Variants in NBEA observed in about 807,000 individuals in gnomAD.
NBEA encodes the protein lysosomal-trafficking regulator 2.
A neutral mutation model predicts 343.4 loss-of-function variants in NBEA; 44 were observed. That is an observed-to-expected ratio of 0.13 (90% confidence interval 0.10 to 0.16). The LOEUF is 0.16. Ranked by LOEUF, NBEA falls within the 10% of genes least tolerant of loss-of-function variation. The pLI is 1.00. For synonymous variants in NBEA, 1,175 were observed against 1,238.7 expected (o/e 0.95, Z 1.08); for missense variants, 2,555 against 3,631.3 (o/e 0.70, Z 7.62).
intron 41 of NBEA, chr13:35,477,287 T>C (rs2075915965): frequency 6.1e-6 from 1 of 163,586 alleles, no homozygotes; most frequent in South Asian, 2.1e-4. Flanking sequence ...CTTTTTTTAC[T>C]TATGTTTTTT....
intron 36 of NBEA, among the ~76,000 whole-genome samples, chr13:35,325,357 A>T (rs1024348018): frequency 2.6e-5 from 4 of 152,040 alleles, no homozygotes; most frequent in African/African-American, 9.7e-5. Flanking sequence ...TACAAGATAT[A>T]TAAGATGTTT....
chr13:35,164,181 G>C (rs1394497406), intron 23 of NBEA, among the ~76,000 whole-genome samples, 175 bp from the exon 24 acceptor site: 1 of 152,050 alleles, frequency 6.6e-6, no homozygotes, highest in Non-Finnish European at 1.5e-5. Flanking sequence ...CTGTGGAGAT[G>C]AATGCTTAGT....
intron 36 of NBEA, among the ~76,000 whole-genome samples, chr13:35,326,476 A>G (rs2038566989): frequency 6.6e-6 from 1 of 152,054 alleles, no homozygotes; most frequent in Non-Finnish European, 1.5e-5. Flanking sequence ...TGATTTTTAT[A>G]TATTGATTTG....
intron 7 of NBEA, 101 bp downstream of exon 7, chr13:35,056,230 A>C (rs560978351): frequency 9.7e-7 from 1 of 1,027,202 alleles, no homozygotes; most frequent in Non-Finnish European, 1.3e-6. Context: ...GAAGCTTAAA[A>C]CTTTGAAAGT....
Position 35,063,943 on chromosome 13 carries a change from G to C in NBEA, c.1239+5080G>C, listed in dbSNP as rs545155692. Among the ~76,000 whole-genome samples the C allele has an allele frequency of 8.5e-5, 13 of 152,066 alleles. 1 individual carries two copies. In the South Asian group the frequency reaches 2.7e-3, roughly 32 times the overall value. On this transcript the variant is annotated intron_variant, in intron 8 of 58. Coordinates refer to ENST00000379939, the MANE Select transcript of NBEA (RefSeq NM_001385012.1). ...CAAGTAAGTGACCCCATGAATTTTAGGCTGAAAAACTGAGCTGATGGAGTT... is the reference window on the plus strand; with the variant it reads ...CAAGTAAGTGACCCCATGAATTTTACGCTGAAAAACTGAGCTGATGGAGTT...
intron 34 of NBEA, among the ~76,000 whole-genome samples, chr13:35,250,057 T>C (rs773043082): frequency 1.3e-5 from 2 of 152,128 alleles, no homozygotes; most frequent in Non-Finnish European, 2.9e-5. Flanking sequence ...AGAATGTTAT[T>C]TGCCAGTGAC....
At chr13:35,241,637 C>A (rs1204951628) in intron 34 of NBEA, among the ~76,000 whole-genome samples, 1 of 151,732 alleles carries the variant, frequency 6.6e-6, no homozygotes, top group African/African-American at 2.4e-5. Flanking sequence ...TGACTACAAA[C>A]CTTGAAGTCC....
intron 38 of NBEA, 117 bp from the exon 39 acceptor site, chr13:35,432,152 C>A (rs1402733172): frequency 1.6e-5 from 12 of 753,524 alleles, no homozygotes; most frequent in Non-Finnish European, 2.2e-5. Flanking sequence ...TAAGTATCTC[C>A]AAAATTATCT....
intron 35 of NBEA, among the ~76,000 whole-genome samples, chr13:35,292,792 A>G (rs533696075): frequency 6.6e-6 from 1 of 152,190 alleles, no homozygotes; most frequent in Non-Finnish European, 1.5e-5. Flanking sequence ...AATGCTGGTT[A>G]GAATAAGTTG....
At chr13:35,661,256 G>A (rs2085077875) in intron 55 of NBEA, among the ~76,000 whole-genome samples, 1 of 152,176 alleles carries the variant, frequency 6.6e-6, no homozygotes, top group South Asian at 2.1e-4. Context: ...AGGGGAGGTG[G>A]ATGATACTAT....
At chr13:35,251,209 A>G (rs574968469) in intron 34 of NBEA, 8 of 257,928 alleles carry the variant, frequency 3.1e-5, no homozygotes, top group South Asian at 2.9e-4. Context: ...TTCTCATCCC[A>G]TGGGTACAGA....
intron 29 of NBEA, among the ~76,000 whole-genome samples, chr13:35,183,754 GTGTATT>G (rs1157762123): frequency 6.6e-6 from 1 of 151,748 alleles, no homozygotes; most frequent in Admixed American, 6.6e-5. Context: ...TGAGTTTCTT[GTGTATT>G]TGTATGTCTC....
At position 35,606,406 on chromosome 13, in the gene NBEA, T is replaced by G. The variant is rs201240869; in HGVS notation, c.7297-20T>G. 1.3e-4 allele frequency: 174 copies of G among 1,387,920 alleles called. No homozygotes were observed. The highest frequency in any genetic ancestry group is 1.5e-4 in the Non-Finnish European group (163 of 1,052,478). 86.0% of individuals were successfully genotyped at this position (1,387,920 alleles called of 1,614,324 possible). ...ATTTTTATAAAGTGGTTTAATATGC[T>G]TCATTTTTATTCCTGATAGGAACTA... On this transcript the variant is annotated intron_variant, in intron 47 of 58. Coordinates refer to ENST00000379939, the MANE Select transcript of NBEA (RefSeq NM_001385012.1).
At chr13:35,452,024 T>C in intron 39 of NBEA, 68 bp from the exon 40 acceptor site, 1 of 1,112,724 alleles carries the variant, frequency 9.0e-7, no homozygotes, top group South Asian at 1.5e-5. Flanking sequence ...CAATCAATTA[T>C]TTATAATACC....
In NBEA at chr13:35,246,090, A is replaced by G. The variant is rs1345337111; in HGVS notation, c.5776+13471A>G. Among the ~76,000 whole-genome samples, 3 of 152,214 alleles carry G rather than the reference A, an allele frequency of 2.0e-5. No individual in the cohort carries two copies. The East Asian group carries it at 5.8e-4, about 29-fold the overall frequency. On this transcript the variant is annotated intron_variant, in intron 34 of 58. Transcript: ENST00000379939. ...TTCAATTCTGTTGCTAAGAGTTTCC[A>G]GTACATTTTGCATTTATCTAAGTGT... is the stretch of plus-strand genomic sequence containing the variant.
At chr13:35,269,698 G>T (rs943037633) in intron 34 of NBEA, among the ~76,000 whole-genome samples, 1 of 152,188 alleles carries the variant, frequency 6.6e-6, no homozygotes, top group Non-Finnish European at 1.5e-5. Flanking sequence ...AGGAAAATTG[G>T]TGGAGGTTTG....
intron 10 of NBEA, among the ~76,000 whole-genome samples, chr13:35,074,190 C>T (rs927101305): frequency 2.6e-5 from 4 of 151,920 alleles, no homozygotes; most frequent in Admixed American, 6.6e-5. Flanking sequence ...ATATAGCTTT[C>T]GTATTTTGTG....
At chr13:35,280,408 A>G (rs1043784787) in intron 34 of NBEA, among the ~76,000 whole-genome samples, 2 of 152,132 alleles carry the variant, frequency 1.3e-5, no homozygotes, top group African/African-American at 4.8e-5. Flanking sequence ...TCCTAGAATA[A>G]TCCCTAGGTC....
intron 38 of NBEA, among the ~76,000 whole-genome samples, chr13:35,422,089 TTTG>T (rs778490216): frequency 0.026 from 2,100 of 79,402 alleles, 37 homozygotes; most frequent in African/African-American, 0.12. Context: ...TTTTTGTTTG[TTTG>T]TTTTTTTTTT....
Sources: gnomAD v4.1 joint callset for allele counts (sites outside exome capture counted in the v4.1 genomes callset) on GRCh38, gnomAD v4.1.1 for gene constraint, MANE v1.5 for transcripts, NCBI Gene and HGNC (gene_info 2026-07-23, HGNC 2026-07-21) for gene names.